Variants in MCCC2 observed in about 807,000 individuals in gnomAD.
MCCC2 encodes the protein methylcrotonyl-CoA carboxylase subunit 2, also known as methylcrotonoyl-CoA carboxylase beta chain, mitochondrial.
In MCCC2, 52 loss-of-function variants were observed where a neutral mutation model predicts 77.2. The ratio of observed to expected loss-of-function variants is 0.67; its 90% CI spans 0.54 to 0.85. The LOEUF is 0.85. Among genes scored for constraint, MCCC2 ranks in the 40% least tolerant of loss-of-function variants. The pLI is 0.00. For missense variants in MCCC2, 682 were observed against 703.2 expected (o/e 0.97, Z 0.34); for synonymous variants, 253 against 248.4 (o/e 1.02, Z -0.18).
At chr5:71,651,952 G>C (rs922860497) in intron 15 of MCCC2, among the ~76,000 whole-genome samples, 5 of 152,112 alleles carry the variant, frequency 3.3e-5, no homozygotes, top group African/African-American at 9.7e-5. Context: ...GTGTGTTAAT[G>C]GTTCTCCCTC....
At chr5:71,638,330 T>A (rs750928679) in intron 10 of MCCC2, among the ~76,000 whole-genome samples, 1 of 152,136 alleles carries the variant, frequency 6.6e-6, no homozygotes, top group East Asian at 1.9e-4. Flanking sequence ...CCCATGAGGG[T>A]TGGAATCAAC....
At chr5:71,593,089 A>ATATT (rs1745045307) in intron 2 of MCCC2, 97 bp downstream of exon 2, 13 of 799,432 alleles carry the variant, frequency 1.6e-5, no homozygotes, top group Non-Finnish European at 2.5e-5. Context: ...AGCTTTTGAT[A>ATATT]TTTTTTTTTT....
intron 1 of MCCC2, among the ~76,000 whole-genome samples, chr5:71,592,313 G>A (rs145124302): frequency 1.7e-4 from 26 of 152,236 alleles, no homozygotes; most frequent in African/African-American, 6.3e-4. Context: ...CTCGGGAGGC[G>A]GAGGTTGCAG....
At chr5:71,598,840 C>T (rs945209808) in intron 3 of MCCC2, among the ~76,000 whole-genome samples, 1 of 152,088 alleles carries the variant, frequency 6.6e-6, no homozygotes, top group African/African-American at 2.4e-5. Context: ...CAGCCTTGGC[C>T]TCCTGGGCTC....
chr5:71,613,824 T>C (rs1489602603), intron 6 of MCCC2, among the ~76,000 whole-genome samples: 1 of 151,846 alleles, frequency 6.6e-6, no homozygotes, highest in East Asian at 1.9e-4. Flanking sequence ...AGAAAAGTGC[T>C]CACACATAGC....
chr5:71,625,848 G>A (rs1432257302), intron 6 of MCCC2, among the ~76,000 whole-genome samples: 3 of 152,050 alleles, frequency 2.0e-5, no homozygotes, highest in Admixed American at 2.0e-4. Flanking sequence ...ATGCCTATAA[G>A]GAAAACTGAT....
chr5:71,603,019 C>T (rs1288590333), intron 5 of MCCC2: 1 of 177,168 alleles, frequency 5.6e-6, no homozygotes, highest in Non-Finnish European at 1.2e-5. Context: ...ATAATTTGAG[C>T]AGATGTAATT....
chr5:71,597,363 C>T (rs1202072208), intron 3 of MCCC2, among the ~76,000 whole-genome samples: 1 of 152,054 alleles, frequency 6.6e-6, no homozygotes, highest in African/African-American at 2.4e-5. Context: ...AAATGGGGAG[C>T]TATTGTAGGG....
chr5:71,599,578 C>G (rs552241359), intron 3 of MCCC2, 81 bp from the exon 4 acceptor site: 1 of 1,107,742 alleles, frequency 9.0e-7, no homozygotes, highest in Non-Finnish European at 1.4e-6. Flanking sequence ...GAGGAAAAAT[C>G]TTTTCCTTTT....
At chr5:71,628,565 A>G (rs1378238841) in intron 7 of MCCC2, among the ~76,000 whole-genome samples, 2 of 152,210 alleles carry the variant, frequency 1.3e-5, no homozygotes, top group Admixed American at 6.5e-5. Flanking sequence ...TGGGTGTGGG[A>G]TAAGGAAGGG....
At position 71,602,805 on chromosome 5, in the gene MCCC2, A is replaced by T. The variant is rs574622111; in HGVS notation, c.511+172A>T. On this transcript the variant is annotated intron_variant, in intron 5 of 16. Transcript: ENST00000340941. ...TGAAAACTCTGGGGGAAAGTAAACA[A>T]GAACTGTTCATAGTACTAGTGCATA... The T allele has an allele frequency of 1.0e-4, 96 of 935,614 alleles. 1 individual carries two copies. In the African/African-American group the frequency reaches 1.5e-3, roughly 14 times the overall value. The allele number at this position is 935,614 out of a possible 1,614,324, so 58.0% of individuals were successfully genotyped here. A position where few individuals can be genotyped will look rare whatever the true frequency, so the allele number is the denominator to read the frequency against.
At chr5:71,653,206 A>G (rs1480689001) in intron 16 of MCCC2, among the ~76,000 whole-genome samples, 5 of 152,230 alleles carry the variant, frequency 3.3e-5, no homozygotes, top group Non-Finnish European at 7.3e-5. Flanking sequence ...TTTGTTGACA[A>G]GTATGCTTGT....
chr5:71,621,162 G>A (rs1281313352), intron 6 of MCCC2, among the ~76,000 whole-genome samples: 5 of 152,134 alleles, frequency 3.3e-5, no homozygotes, highest in African/African-American at 7.2e-5. Context: ...TGTTAATGCT[G>A]TTTGGCCCTG....
chr5:71,648,958 G>A (rs1747350608), intron 13 of MCCC2, 139 bp from the exon 14 acceptor site: 8 of 1,000,756 alleles, frequency 8.0e-6, no homozygotes, highest in Admixed American at 7.4e-5. Flanking sequence ...TTAACGGTAT[G>A]TTTCACATAT....
intron 1 of MCCC2, among the ~76,000 whole-genome samples, chr5:71,588,497 C>T (rs1002176002): frequency 3.9e-5 from 6 of 152,116 alleles, no homozygotes; most frequent in African/African-American, 1.4e-4. Flanking sequence ...ATGTTTAATT[C>T]AGAATTATTA....
Position 71,650,021 on chromosome 5 carries a change from A to G in MCCC2, c.1374-48A>G, listed in dbSNP as rs770542174. 24 of 1,426,720 alleles carry G rather than the reference A, an allele frequency of 1.7e-5. No individual in the cohort carries two copies. The South Asian group carries it at 2.0e-4, about 12-fold the overall frequency. 88.4% of individuals were successfully genotyped at this position (1,426,720 alleles called of 1,614,324 possible). A position where few individuals can be genotyped will look rare whatever the true frequency, so the allele number is the denominator to read the frequency against. ...GGCAAACATGGGCCTCTGAAAATCT[A>G]TGTTGTATATTGACTTAATTTGTTT... On this transcript the variant is annotated intron_variant, in intron 14 of 16. Transcript: ENST00000340941.
intron 6 of MCCC2, among the ~76,000 whole-genome samples, chr5:71,611,684 C>G (rs1312875627): frequency 6.6e-6 from 1 of 152,120 alleles, no homozygotes; most frequent in Non-Finnish European, 1.5e-5. Context: ...GCGATACACT[C>G]AGCTTTAGAA....
At chr5:71,653,406 T>G (rs1039725805) in intron 16 of MCCC2, among the ~76,000 whole-genome samples, 1 of 149,602 alleles carries the variant, frequency 6.7e-6, no homozygotes, top group African/African-American at 2.4e-5. Flanking sequence ...ACTTTAGTGT[T>G]CTGCATTCCG....
At position 71,635,254 on chromosome 5, in the gene MCCC2, A is replaced by G. The variant is rs575141754; in HGVS notation, c.999+8A>G. 1.7e-5 allele frequency: 28 copies of G among 1,611,990 alleles called. No individual in the cohort carries two copies. The South Asian group carries it at 2.6e-4, about 15-fold the overall frequency. On this transcript the variant is annotated splice_region_variant and intron_variant, in intron 10 of 16. Transcript: ENST00000340941. Reference sequence around the variant, plus strand: ...AGCTTTGATGTCCGAGAGGTATGTGAAAGTGGAACTGTGAGCTTTATGACC... The same window carrying G: ...AGCTTTGATGTCCGAGAGGTATGTGGAAGTGGAACTGTGAGCTTTATGACC...
Sources: allele counts gnomAD v4.1 joint callset (sites outside exome capture counted in the v4.1 genomes callset), GRCh38; gene constraint gnomAD v4.1.1; transcripts MANE v1.5; gene names NCBI Gene and HGNC (gene_info 2026-07-23, HGNC 2026-07-21).